Variants in LSAMP observed in about 807,000 individuals in gnomAD.
The protein encoded by LSAMP is limbic system associated membrane protein.
A neutral mutation model predicts 38.6 loss-of-function variants in LSAMP; 7 were observed. That is an observed-to-expected ratio of 0.18 (90% CI 0.10 to 0.34). LSAMP has a LOEUF of 0.34. LSAMP is among the 10% of genes least tolerant of loss of function. The probability of loss-of-function intolerance (pLI) is 1.00; values close to 1 mark genes in which losing one functional copy is unlikely to be tolerated. For synonymous variants in LSAMP, 154 were observed against 166.8 expected (o/e 0.92, Z 0.59); for missense variants, 313 against 420.0 (o/e 0.75, Z 2.23).
At chr3:115,829,300 T>C (rs531809590) in intron 6 of LSAMP, among the ~76,000 whole-genome samples, 3 of 152,254 alleles carry the variant, frequency 2.0e-5, no homozygotes, top group African/African-American at 7.2e-5. Context: ...ACATGAAATA[T>C]TGGTACAATT....
chr3:116,398,776 T>C (rs907034542), intron 1 of LSAMP, among the ~76,000 whole-genome samples: 1 of 152,210 alleles, frequency 6.6e-6, no homozygotes, highest in African/African-American at 2.4e-5. Flanking sequence ...GCCTGTGCAC[T>C]AGATGCTAAA....
intron 1 of LSAMP, among the ~76,000 whole-genome samples, chr3:116,417,648 G>A (rs2049069208): frequency 6.6e-6 from 1 of 152,128 alleles, no homozygotes; most frequent in South Asian, 2.1e-4. Context: ...GATGAAAAAG[G>A]GAGAGAAAGA....
At chr3:116,438,463 G>T (rs530038243) in intron 1 of LSAMP, among the ~76,000 whole-genome samples, 4 of 152,172 alleles carry the variant, frequency 2.6e-5, no homozygotes, top group African/African-American at 9.6e-5. Context: ...TGACCATTTT[G>T]AACTTATTAC....
intron 1 of LSAMP, among the ~76,000 whole-genome samples, chr3:116,372,072 A>C (rs1455011615): frequency 6.6e-6 from 1 of 152,044 alleles, no homozygotes; most frequent in African/African-American, 2.4e-5. Flanking sequence ...AGATTGAAAG[A>C]CAACACTATT....
At chr3:116,203,027 T>C (rs977357990) in intron 1 of LSAMP, among the ~76,000 whole-genome samples, 7 of 152,244 alleles carry the variant, frequency 4.6e-5, no homozygotes, top group African/African-American at 1.7e-4. Flanking sequence ...TTAGAGGTTC[T>C]AAGAGTGTTT....
chr3:116,090,882 C>T (rs1450625549), intron 1 of LSAMP, among the ~76,000 whole-genome samples: 1 of 152,134 alleles, frequency 6.6e-6, no homozygotes, highest in Non-Finnish European at 1.5e-5. Flanking sequence ...ATCACAGGAC[C>T]ACAGGACCGA....
chr3:116,254,413 A>T (rs2046724117), intron 1 of LSAMP, among the ~76,000 whole-genome samples: 2 of 152,080 alleles, frequency 1.3e-5, no homozygotes, highest in South Asian at 4.1e-4. Flanking sequence ...TTAAAGAAAG[A>T]GGAGGGGGTG....
chr3:116,160,141 T>C (rs1210828647), intron 1 of LSAMP, among the ~76,000 whole-genome samples: 1 of 152,176 alleles, frequency 6.6e-6, no homozygotes, highest in Non-Finnish European at 1.5e-5. Flanking sequence ...GGCTCACACC[T>C]GTAATCCCAG....
chr3:116,301,508 T>C (rs1330389192), intron 1 of LSAMP, among the ~76,000 whole-genome samples: 1 of 152,172 alleles, frequency 6.6e-6, no homozygotes, highest in African/African-American at 2.4e-5. Flanking sequence ...GAAAAACAGG[T>C]AGACTGTTTG....
At chr3:116,419,984 C>T in intron 1 of LSAMP, among the ~76,000 whole-genome samples, 1 of 152,180 alleles carries the variant, frequency 6.6e-6, no homozygotes. Flanking sequence ...TGTACCTATT[C>T]TTGTTGAATG....
intron 1 of LSAMP, among the ~76,000 whole-genome samples, chr3:116,259,655 T>C (rs1461788260): frequency 6.6e-6 from 1 of 152,192 alleles, no homozygotes; most frequent in Non-Finnish European, 1.5e-5. Context: ...GTGTGATGTG[T>C]GTAGCTGTGG....
At chr3:115,902,986 G>A (rs1309773726) in intron 3 of LSAMP, among the ~76,000 whole-genome samples, 1 of 152,204 alleles carries the variant, frequency 6.6e-6, no homozygotes, top group East Asian at 1.9e-4. Context: ...CCATTACTTG[G>A]TACATACCCA....
intron 1 of LSAMP, among the ~76,000 whole-genome samples, chr3:116,328,205 C>T (rs768345588): frequency 4.6e-5 from 7 of 152,166 alleles, no homozygotes; most frequent in Non-Finnish European, 1.5e-5. Context: ...AGCAACGCAA[C>T]GTCAAGAATA....
At chr3:116,395,316 C>A (rs2048754774) in intron 1 of LSAMP, among the ~76,000 whole-genome samples, 1 of 152,094 alleles carries the variant, frequency 6.6e-6, no homozygotes, top group Admixed American at 6.5e-5. Context: ...TAGTTCCCAC[C>A]CTGAGATGCA....
At chr3:116,303,155 A>G (rs976573691) in intron 1 of LSAMP, among the ~76,000 whole-genome samples, 8 of 152,344 alleles carry the variant, frequency 5.3e-5, no homozygotes, top group African/African-American at 1.9e-4. Context: ...TTCATCAGCA[A>G]AGAGGGTAAA....
intron 1 of LSAMP, among the ~76,000 whole-genome samples, chr3:116,402,563 G>T (rs1209181444): frequency 1.3e-5 from 2 of 151,930 alleles, no homozygotes; most frequent in Non-Finnish European, 2.9e-5. Flanking sequence ...TAAAAAGTAT[G>T]CTAATAATTA....
chr3:115,971,102 A>G (rs965525842), intron 3 of LSAMP, among the ~76,000 whole-genome samples: 2 of 152,168 alleles, frequency 1.3e-5, no homozygotes, highest in African/African-American at 2.4e-5. Context: ...GATTAATCCT[A>G]GCATGGATAG....
chr3:116,444,837 T>C (rs1417670170), intron 1 of LSAMP, 40 bp downstream of exon 1: 6 of 1,608,562 alleles, frequency 3.7e-6, no homozygotes, highest in Non-Finnish European at 4.2e-6. Flanking sequence ...CACACACACG[T>C]GTAGACGCGC....
At position 116,105,760 on chromosome 3, in the gene LSAMP, G is replaced by A. The variant is rs557587067; in HGVS notation, c.156-19204C>T. On this transcript the variant is annotated intron_variant, in intron 1 of 6. Transcript: ENST00000490035. ...TATACGTGCAAGTCACAGGGGATGC[G>A]ATGGCTTGGCTTGGGCTCAGAGGCC... 6.9e-3 allele frequency among the ~76,000 whole-genome samples: 1,046 copies of A among 152,250 alleles called. 14 individuals are homozygous for A. Among genetic ancestry groups the A allele is most frequent in the African/African-American group, 0.024 (981 of 41,538 alleles).
Sources: gnomAD v4.1 joint callset for allele counts (sites outside exome capture counted in the v4.1 genomes callset) on GRCh38, gnomAD v4.1.1 for gene constraint, MANE v1.5 for transcripts, NCBI Gene and HGNC (gene_info 2026-07-23, HGNC 2026-07-21) for gene names.